USP32: variants seen among roughly 807,000 people sequenced by gnomAD.
USP32 encodes ubiquitin specific peptidase 32.
A neutral mutation model predicts 204.8 loss-of-function variants in USP32; 59 were observed. The ratio of observed to expected loss-of-function variants is 0.29; its 90% CI spans 0.23 to 0.36. USP32 has a LOEUF of 0.36. Among genes scored for constraint, USP32 ranks in the 10% least tolerant of loss-of-function variants. The pLI, the probability that USP32 is intolerant of heterozygous loss-of-function variation, is 1.00. For missense variants in USP32, 1,160 were observed against 1,946.4 expected, an observed-to-expected ratio of 0.60 and a Z score of 7.60; for synonymous variants, 517 against 678.4, an observed-to-expected ratio of 0.76 and a Z score of 3.70.
chr17:60,355,887 T>TAAAAA (rs58715953), intron 1 of USP32, among the ~76,000 whole-genome samples: 2 of 51,504 alleles, frequency 3.9e-5, no homozygotes, highest in Non-Finnish European at 7.8e-5. Flanking sequence ...TGAACCTCTG[T>TAAAAA]AAAAAAAAAA....
intron 1 of USP32, among the ~76,000 whole-genome samples, chr17:60,399,230 C>T (rs2146159197): frequency 6.6e-6 from 1 of 152,230 alleles, no homozygotes; most frequent in African/African-American, 2.4e-5. Flanking sequence ...AAAGTAAAAG[C>T]TCCTGCTCTC....
intron 1 of USP32, among the ~76,000 whole-genome samples, chr17:60,355,846 AGAGAGAGAAAG>A (rs2089058578): frequency 7.4e-6 from 1 of 134,236 alleles, no homozygotes; most frequent in Admixed American, 7.2e-5. Flanking sequence ...AAAAAAAAAA[AGAGAGAGAAAG>A]AAAAAAAAAA....
intron 1 of USP32, among the ~76,000 whole-genome samples, chr17:60,417,066 C>T (rs1417992465): frequency 6.6e-6 from 1 of 151,304 alleles, no homozygotes; most frequent in African/African-American, 2.4e-5. Flanking sequence ...TACAGGTATG[C>T]ACCACCACAC....
chr17:60,352,246 C>T (rs911859874), intron 1 of USP32, among the ~76,000 whole-genome samples: 3 of 152,186 alleles, frequency 2.0e-5, no homozygotes, highest in Admixed American at 6.5e-5. Context: ...TAAAAGGTAA[C>T]AGCTGGCAAA....
At chr17:60,309,257 C>A (rs1057080397) in intron 2 of USP32, among the ~76,000 whole-genome samples, 1 of 152,004 alleles carries the variant, frequency 6.6e-6, no homozygotes, top group Non-Finnish European at 1.5e-5. Context: ...GATTAATAAT[C>A]AGACTGTATA....
At chr17:60,390,582 G>C (rs1000598747) in intron 1 of USP32, among the ~76,000 whole-genome samples, 3 of 152,142 alleles carry the variant, frequency 2.0e-5, no homozygotes, top group African/African-American at 7.2e-5. Flanking sequence ...TGTTATTCTG[G>C]TAAATCCACC....
At chr17:60,263,362 A>G (rs528266011) in intron 9 of USP32, among the ~76,000 whole-genome samples, 9 of 152,350 alleles carry the variant, frequency 5.9e-5, no homozygotes, top group African/African-American at 9.6e-5. Context: ...TAAATAGTCA[A>G]CAGATGAATT....
chr17:60,295,674 G>A (rs1021320572), intron 3 of USP32, among the ~76,000 whole-genome samples: 1 of 152,160 alleles, frequency 6.6e-6, no homozygotes, highest in Non-Finnish European at 1.5e-5. Context: ...ATCACAAGAA[G>A]GGTGAGTACA....
In USP32 at chr17:60,345,587, C is replaced by A. The variant is rs762668257; in HGVS notation, c.80G>T (p.Arg27Leu). The part of the protein sequence containing the change: ...LRRVTDVELK[R>L]LKDAFKRTCG... ...GGTCCTCTTGAAAGCATCCTTCAGT[C>A]GTTTTAGCTCTACATCTGTAACTGC... The change falls in exon 2 of 34, where the codon CGA becomes CTA. Residue 27 changes from arginine to leucine, a missense_variant. Transcript: ENST00000300896. 1.5e-5 allele frequency: 24 copies of A among 1,613,930 alleles called. No homozygotes were observed. In the Admixed American group the frequency reaches 3.8e-4, roughly 26 times the overall value.
At chr17:60,394,734 T>TTTTA (rs988781053), upstream of USP32, among the ~76,000 whole-genome samples, 21 of 151,980 alleles carry the variant, frequency 1.4e-4, no homozygotes, top group African/African-American at 2.2e-4. Context: ...GTAGGTAATT[T>TTTTA]TTTATTTATT....
At chr17:60,271,289 T>A in intron 6 of USP32, 61 bp downstream of exon 6, 1 of 1,577,986 alleles carries the variant, frequency 6.3e-7, no homozygotes. Context: ...TGGTTACAAA[T>A]ATGAGATGGG....
intron 1 of USP32, among the ~76,000 whole-genome samples, chr17:60,352,326 AT>A (rs2088968616): frequency 2.0e-5 from 3 of 152,144 alleles, no homozygotes; most frequent in African/African-American, 7.2e-5. Context: ...TCCAGCAGCC[AT>A]TTTACACACC....
At chr17:60,186,343 T>C (rs2084250919) in intron 29 of USP32, among the ~76,000 whole-genome samples, 1 of 152,252 alleles carries the variant, frequency 6.6e-6, no homozygotes, top group African/African-American at 2.4e-5. Context: ...GCATTATTAG[T>C]ATGCTGCAGA....
Position 60,209,529 on chromosome 17 carries a change from T to C in USP32, c.2439A>G (p.Lys813=). 1 of 1,592,616 alleles carries C rather than the reference T, an allele frequency of 6.3e-7. No individual in the cohort carries two copies. Among genetic ancestry groups the C allele is most frequent in the Non-Finnish European group, 8.5e-7 (1 of 1,174,308 alleles). Residue 813 remains lysine (K), a synonymous_variant, in exon 22 of 34, where the codon AAA becomes AAG. Coordinates refer to ENST00000300896, the MANE Select transcript of USP32 (RefSeq NM_032582.4). ...GAAACCCATTAAACCTGGGAGCATA[T>C]TTTGCTATGGTCCACTATAAATATA... The part of the protein sequence containing the change: ...APLKLRWTIA[K]YAPRFNGFQQ...
In USP32 at chr17:60,373,595, G is replaced by A. The variant is rs147738818; in HGVS notation, c.58+18287C>T. The stretch of plus-strand genomic sequence containing the variant: ...CTCCTGAGTAGCTAGGATTACAGGC[G>A]TGCACCACCACAACCGGCTAATTTT... On this transcript the variant is annotated intron_variant, in intron 1 of 33. Transcript: ENST00000300896. 9.2e-3 allele frequency among the ~76,000 whole-genome samples: 1,398 copies of A among 151,888 alleles called. 7 individuals carry two copies. The highest frequency in any genetic ancestry group is 0.014 in the Middle Eastern group (4 of 294).
At chr17:60,398,205 A>G (rs1486604832) in intron 1 of USP32, among the ~76,000 whole-genome samples, 1 of 152,128 alleles carries the variant, frequency 6.6e-6, no homozygotes, top group Non-Finnish European at 1.5e-5. Context: ...TCTCTACAAA[A>G]ATAAAAATTA....
At chr17:60,307,502 A>G (rs934356838) in intron 2 of USP32, among the ~76,000 whole-genome samples, 1 of 152,224 alleles carries the variant, frequency 6.6e-6, no homozygotes, top group Non-Finnish European at 1.5e-5. Context: ...AGAAAGAAAA[A>G]GAGAATCCTA....
At chr17:60,210,011 T>G (rs1055317455) in intron 21 of USP32, among the ~76,000 whole-genome samples, 1 of 152,022 alleles carries the variant, frequency 6.6e-6, no homozygotes, top group Non-Finnish European at 1.5e-5. Context: ...TGTGTATACA[T>G]TATTTTATAT....
intron 3 of USP32, 181 bp downstream of exon 3, chr17:60,301,418 G>C (rs1278076739): frequency 2.2e-6 from 1 of 461,540 alleles, no homozygotes; most frequent in Non-Finnish European, 3.8e-6. Flanking sequence ...GTATCTCACT[G>C]TAATTTTAAT....
Sources: gnomAD v4.1 joint callset for allele counts (sites outside exome capture counted in the v4.1 genomes callset) on GRCh38, gnomAD v4.1.1 for gene constraint, MANE v1.5 for transcripts, NCBI Gene and HGNC (gene_info 2026-07-23, HGNC 2026-07-21) for gene names.